Variants in OTUD7A observed in about 807,000 individuals in gnomAD.
OTUD7A encodes the protein OTU deubiquitinase 7A, also known as OTU domain-containing protein 7A.
A neutral mutation model predicts 65.7 loss-of-function variants in OTUD7A; 12 were observed. The ratio of observed to expected loss-of-function variants is 0.18; its 90% CI spans 0.12 to 0.30. The LOEUF is 0.30. Among genes scored for constraint, OTUD7A ranks in the 10% least tolerant of loss-of-function variants. The pLI is 1.00. For synonymous variants in OTUD7A, 641 were observed against 586.3 expected (o/e 1.09, Z -1.35); for missense variants, 1,148 against 1,304.8 (o/e 0.88, Z 1.85).
chr15:31,481,324 C>G lies in OTUD7A; in HGVS notation c.*1970G>C, dbSNP rs2041115944. 6.6e-6 allele frequency: 1 copy of G among 152,206 alleles called. No homozygotes were observed. The highest frequency in any genetic ancestry group is 2.1e-4 in the South Asian group (1 of 4,832). 9.4% of individuals were successfully genotyped at this position (152,206 alleles called of 1,614,324 possible). A position where few individuals can be genotyped will look rare whatever the true frequency, so the allele number is the denominator to read the frequency against. On this transcript the variant is annotated 3_prime_UTR_variant, in exon 13 of 13. Coordinates refer to ENST00000307050, the MANE Select transcript of OTUD7A (RefSeq NM_001382637.1). ...GCATGAGGAGTGGCTGGCATCCACA[C>G]CTGAAGCAACACTTTCTGTGATCCC...
intron 3 of OTUD7A, among the ~76,000 whole-genome samples, chr15:31,595,143 T>C (rs564251610): frequency 2.0e-5 from 3 of 152,282 alleles, no homozygotes; most frequent in African/African-American, 7.2e-5. Context: ...AACTGTGCCC[T>C]GGGCCTGTGT....
At chr15:31,776,736 C>T (rs1041651449) in intron 1 of OTUD7A, among the ~76,000 whole-genome samples, 2 of 152,124 alleles carry the variant, frequency 1.3e-5, no homozygotes, top group Non-Finnish European at 2.9e-5. Flanking sequence ...AACCGGGGGT[C>T]CTTACTCCTC....
chr15:31,620,167 G>A (rs577219358), intron 3 of OTUD7A, among the ~76,000 whole-genome samples: 5 of 152,322 alleles, frequency 3.3e-5, no homozygotes, highest in Admixed American at 6.5e-5. Flanking sequence ...GATTCGGTCT[G>A]CCAGTATTTT....
At position 31,672,736 on chromosome 15, in the gene OTUD7A, A is replaced by G. The variant is rs375201463; in HGVS notation, c.-99-15659T>C. Reference sequence around the variant, plus strand: ...ACATCTGGTGCCTTTGAAATATATTATGTGCATAGATGCATGATTGGAAGC... The same window carrying G: ...ACATCTGGTGCCTTTGAAATATATTGTGTGCATAGATGCATGATTGGAAGC... On this transcript the variant is annotated intron_variant, in intron 1 of 12. Coordinates refer to ENST00000307050, the MANE Select transcript of OTUD7A (RefSeq NM_001382637.1). Among the ~76,000 whole-genome samples, 50 of 152,366 alleles carry G rather than the reference A, an allele frequency of 3.3e-4. No homozygotes were observed. In the South Asian group the frequency reaches 9.5e-3, roughly 29 times the overall value.
At chr15:31,696,025 G>C (rs1893072722) in intron 1 of OTUD7A, among the ~76,000 whole-genome samples, 1 of 152,268 alleles carries the variant, frequency 6.6e-6, no homozygotes, top group Non-Finnish European at 1.5e-5. Flanking sequence ...TCTCCGCAGA[G>C]AACCTCCAGT....
At chr15:31,812,937 C>T (rs956110924) in intron 1 of OTUD7A, among the ~76,000 whole-genome samples, 9 of 152,082 alleles carry the variant, frequency 5.9e-5, no homozygotes, top group Non-Finnish European at 1.0e-4. Flanking sequence ...GCACTAAGCT[C>T]CGCACACACA....
intron 1 of OTUD7A, among the ~76,000 whole-genome samples, chr15:31,763,350 G>T (rs941767101): frequency 6.6e-6 from 1 of 151,992 alleles, no homozygotes; most frequent in Non-Finnish European, 1.5e-5. Flanking sequence ...ATATAAAGAA[G>T]AATCAAGTGG....
intron 1 of OTUD7A, among the ~76,000 whole-genome samples, chr15:31,828,854 G>C (rs887539719): frequency 2.4e-4 from 37 of 152,222 alleles, no homozygotes; most frequent in African/African-American, 8.7e-4. Flanking sequence ...CTTTACCCCA[G>C]GCAGGTCCCT....
chr15:31,804,988 G>A (rs1466370605), intron 1 of OTUD7A, among the ~76,000 whole-genome samples: 2 of 152,202 alleles, frequency 1.3e-5, no homozygotes, highest in Non-Finnish European at 1.5e-5. Flanking sequence ...GAAAGGCAAG[G>A]AAGAAGACAG....
chr15:31,566,306 A>G (rs1246987577), intron 4 of OTUD7A, among the ~76,000 whole-genome samples: 1 of 152,240 alleles, frequency 6.6e-6, no homozygotes, highest in Non-Finnish European at 1.5e-5. Flanking sequence ...AACATTGTGT[A>G]TGGGAAAATA....
At chr15:31,766,990 C>T (rs1327526326) in intron 1 of OTUD7A, 1 of 1,611,054 alleles carries the variant, frequency 6.2e-7, no homozygotes, top group Non-Finnish European at 8.5e-7. Context: ...ATGACAACTT[C>T]CTCCCATTAT....
At chr15:31,683,353 T>C (rs1299283773) in intron 1 of OTUD7A, among the ~76,000 whole-genome samples, 1 of 152,224 alleles carries the variant, frequency 6.6e-6, no homozygotes, top group Non-Finnish European at 1.5e-5. Flanking sequence ...CTTTCTATAA[T>C]ACCCTGTCAA....
chr15:31,598,515 G>A (rs1376516558), intron 3 of OTUD7A, among the ~76,000 whole-genome samples: 2 of 152,202 alleles, frequency 1.3e-5, no homozygotes, highest in African/African-American at 4.8e-5. Flanking sequence ...CTGCAGACCA[G>A]GAGATTCCTT....
At chr15:31,563,821 G>A (rs1313284743) in intron 4 of OTUD7A, among the ~76,000 whole-genome samples, 1 of 152,222 alleles carries the variant, frequency 6.6e-6, no homozygotes, top group African/African-American at 2.4e-5. Context: ...AACAGGCAGG[G>A]AACTTCTAGA....
At chr15:31,758,714 G>A (rs191511711) in intron 1 of OTUD7A, among the ~76,000 whole-genome samples, 1 of 152,278 alleles carries the variant, frequency 6.6e-6, no homozygotes, top group African/African-American at 2.4e-5. Context: ...CTCCAGACCT[G>A]GAGCTAATGG....
At position 31,480,214 on chromosome 15, in the gene OTUD7A, A is replaced by G. The variant is rs1270317712; in HGVS notation, c.*3080T>C. Reference sequence around the variant, plus strand: ...TTTAAACTTGGCTTGTAAAATTTCAACGTAACACAGCATAAAGTCTACCAA... The same window carrying G: ...TTTAAACTTGGCTTGTAAAATTTCAGCGTAACACAGCATAAAGTCTACCAA... On this transcript the variant is annotated 3_prime_UTR_variant, in exon 13 of 13. Coordinates refer to ENST00000307050, the MANE Select transcript of OTUD7A (RefSeq NM_001382637.1). 2.0e-5 allele frequency: 3 copies of G among 152,258 alleles called. No homozygotes were observed. The highest frequency in any genetic ancestry group is 4.4e-5 in the Non-Finnish European group (3 of 68,050). The allele number at this position is 152,258 out of a possible 1,614,324, so 9.4% of individuals were successfully genotyped here.
At chr15:31,664,475 T>C (rs1370929568) in intron 1 of OTUD7A, among the ~76,000 whole-genome samples, 3 of 152,222 alleles carry the variant, frequency 2.0e-5, no homozygotes, top group Non-Finnish European at 4.4e-5. Context: ...TTTTGAGAAC[T>C]GTCTATTCAT....
chr15:31,790,319 A>G (rs1000943835), intron 1 of OTUD7A, among the ~76,000 whole-genome samples: 1 of 152,210 alleles, frequency 6.6e-6, no homozygotes, highest in Non-Finnish European at 1.5e-5. Flanking sequence ...ACAAGTTCTC[A>G]GCTGATGCTG....
intron 1 of OTUD7A, among the ~76,000 whole-genome samples, chr15:31,674,329 C>T (rs1165800841): frequency 6.6e-6 from 1 of 152,112 alleles, no homozygotes; most frequent in Non-Finnish European, 1.5e-5. Context: ...AGTAGCTTAC[C>T]TATGTTATGA....
Sources: gnomAD v4.1 joint callset for allele counts (sites outside exome capture counted in the v4.1 genomes callset) on GRCh38, gnomAD v4.1.1 for gene constraint, MANE v1.5 for transcripts, NCBI Gene and HGNC (gene_info 2026-07-23, HGNC 2026-07-21) for gene names.